PCDH11X: variants seen among roughly 807,000 people sequenced by gnomAD.
The protein encoded by PCDH11X is protocadherin 11 X-linked, also known as protocadherin-11 X-linked.
PCDH11X carries 18 observed loss-of-function variants against 53.3 expected under a neutral mutation model. That is an observed-to-expected ratio of 0.34 (90% CI 0.23 to 0.50). The LOEUF (loss-of-function observed/expected upper bound fraction) is 0.50. PCDH11X is among the 20% of genes least tolerant of loss of function. The pLI, the probability that PCDH11X is intolerant of heterozygous loss-of-function variation, is 0.98. For synonymous variants in PCDH11X, 279 were observed against 393.3 expected (o/e 0.71, Z 3.44); for missense variants, 570 against 1,032.4 (o/e 0.55, Z 6.14).
intron 8 of PCDH11X, among the ~76,000 whole-genome samples, chrX:92,375,771 C>A (rs2070739848): frequency 9.3e-6 from 1 of 108,098 alleles, no homozygotes; most frequent in Admixed American, 9.9e-5. Context: ...TTACAGGCAC[C>A]CGCCACCACG....
rs752386974 is a variant in PCDH11X, at chrX:92,116,979, G to C, written c.3034-84396G>C. Among the ~76,000 whole-genome samples the C allele has an allele frequency of 4.3e-3, 467 of 108,897 alleles. 2 individuals carry two copies. The highest frequency in any genetic ancestry group is 5.6e-3 in the Non-Finnish European group (297 of 52,778). The allele number at this position is 108,897 out of a possible 115,157, so 94.6% of individuals were successfully genotyped here. ...ACCATCCTGAGGATTAGGAAACCTT[G>C]TTAGGAATTAGTTGTGTGTTTTTGG... On this transcript the variant is annotated intron_variant, in intron 6 of 10. Coordinates refer to ENST00000682573, the MANE Select transcript of PCDH11X (RefSeq NM_032968.5).
rs779390364 is a variant in PCDH11X, at chrX:92,171,750, G to A, written c.3034-29625G>A. ...GCTGAGATTACAGGCATGAGTCACC[G>A]TGCCCGGCCCAGTTTGAATTTGTGT... On this transcript the variant is annotated intron_variant, in intron 6 of 10. Coordinates refer to ENST00000682573, the MANE Select transcript of PCDH11X (RefSeq NM_032968.5). Among the ~76,000 whole-genome samples, 8 of 110,989 alleles carry A rather than the reference G, an allele frequency of 7.2e-5. No individual in the cohort carries two copies. In the East Asian group the frequency reaches 8.6e-4, roughly 12 times the overall value.
chrX:92,287,004 C>A (rs2068388922), intron 8 of PCDH11X, among the ~76,000 whole-genome samples: 1 of 107,529 alleles, frequency 9.3e-6, no homozygotes, highest in South Asian at 4.2e-4. Context: ...TGGTGCCATG[C>A]AAAGTTTATA....
chrX:92,121,438 G>A (rs2064762439), intron 6 of PCDH11X, among the ~76,000 whole-genome samples: 1 of 111,885 alleles, frequency 8.9e-6, no homozygotes, highest in Admixed American at 9.5e-5. Context: ...TTACAGGCGT[G>A]AGCCACCATG....
intron 10 of PCDH11X, among the ~76,000 whole-genome samples, chrX:92,592,576 A>C (rs780113095): frequency 9.2e-6 from 1 of 108,403 alleles, no homozygotes; most frequent in East Asian, 2.9e-4. Flanking sequence ...CTAAAAATAC[A>C]AAAAATTAGC....
chrX:92,249,318 T>C (rs2067413947), intron 7 of PCDH11X, among the ~76,000 whole-genome samples: 1 of 111,824 alleles, frequency 8.9e-6, no homozygotes, highest in Admixed American at 9.6e-5. Context: ...ATAGACACAA[T>C]ATACATTCTC....
intron 6 of PCDH11X, among the ~76,000 whole-genome samples, chrX:92,177,044 C>T (rs1376545071): frequency 1.9e-5 from 2 of 105,856 alleles, no homozygotes; most frequent in Non-Finnish European, 1.9e-5. Flanking sequence ...GGGGCAATCT[C>T]GGCTCACTGC....
intron 10 of PCDH11X, among the ~76,000 whole-genome samples, chrX:92,536,589 C>A (rs1010080545): frequency 9.3e-6 from 1 of 108,005 alleles, no homozygotes; most frequent in African/African-American, 3.4e-5. Flanking sequence ...CAACAGTGTA[C>A]GAGGTTTCCC....
At chrX:91,824,986 C>T (rs1176918060) in intron 4 of PCDH11X, among the ~76,000 whole-genome samples, 7 of 110,053 alleles carry the variant, frequency 6.4e-5, no homozygotes, top group Admixed American at 2.9e-4. Context: ...TTAGGCTGCT[C>T]GGGGGTCAGG....
At chrX:92,052,038 G>T (rs1343111108) in intron 6 of PCDH11X, among the ~76,000 whole-genome samples, 1 of 109,530 alleles carries the variant, frequency 9.1e-6, no homozygotes, top group East Asian at 2.9e-4. Flanking sequence ...TAACAAAAAG[G>T]TAAAACTCTG....
rs752617822 is a variant in PCDH11X at position 91,879,269 on chromosome X, G to T, written c.3029G>T (p.Arg1010Ile). Residue 1010 changes from arginine to isoleucine, a missense_variant, in exon 6 of 11, where the codon AGA (arginine) becomes ATA (isoleucine). This residue lies in a region of PCDH11X where 234 missense variants were observed against 296.1 expected (regional missense o/e 0.79). Transcript: ENST00000682573. The part of the protein sequence containing the change: ...TFEVPVSVHT[R>I]PPMKEVVRSC... ...GAGGTACCTGTGTCCGTACACACCA[G>T]ACCGGTAGGTATCCAAGTTTCTAAC... is the stretch of plus-strand genomic sequence containing the variant. 2.5e-5 allele frequency: 30 copies of T among 1,211,417 alleles called. No individual in the cohort carries two copies. Among genetic ancestry groups the T allele is most frequent in the Non-Finnish European group, 3.2e-5 (29 of 895,412 alleles).
intron 6 of PCDH11X, among the ~76,000 whole-genome samples, chrX:91,984,573 T>C (rs2147933102): frequency 9.1e-6 from 1 of 109,978 alleles, no homozygotes; most frequent in African/African-American, 3.3e-5. Context: ...TAGACAAGTT[T>C]TGAGTTTACC....
At chrX:92,207,437 G>A (rs2066495161) in intron 7 of PCDH11X, among the ~76,000 whole-genome samples, 1 of 111,347 alleles carries the variant, frequency 9.0e-6, no homozygotes, top group Non-Finnish European at 1.9e-5. Context: ...ACTGAATGAT[G>A]TTCTGTAAAA....
intron 7 of PCDH11X, among the ~76,000 whole-genome samples, chrX:92,220,454 A>T (rs1465350738): frequency 3.7e-5 from 4 of 107,293 alleles, no homozygotes; most frequent in Non-Finnish European, 7.7e-5. Flanking sequence ...AAAAATGCTC[A>T]CCATCACTGG....
intron 5 of PCDH11X, among the ~76,000 whole-genome samples, chrX:91,855,852 T>A (rs1300713463): frequency 8.9e-6 from 1 of 112,015 alleles, no homozygotes; most frequent in African/African-American, 3.2e-5. Context: ...TGATTTTGGA[T>A]CCTGCATCTT....
intron 8 of PCDH11X, among the ~76,000 whole-genome samples, chrX:92,300,882 C>T (rs1453342695): frequency 8.9e-6 from 1 of 111,873 alleles, no homozygotes; most frequent in Non-Finnish European, 1.9e-5. Flanking sequence ...ATTTCTGGTA[C>T]GTTTTGGTGC....
At chrX:92,259,681 C>A (rs1034378158) in intron 7 of PCDH11X, among the ~76,000 whole-genome samples, 3 of 111,210 alleles carry the variant, frequency 2.7e-5, no homozygotes, top group Non-Finnish European at 5.7e-5. Flanking sequence ...TTTTATCTGT[C>A]ACAGCTGGTA....
At chrX:92,331,333 C>CTTCTT (rs1300857539) in intron 8 of PCDH11X, among the ~76,000 whole-genome samples, 35 of 84,758 alleles carry the variant, frequency 4.1e-4, no homozygotes, top group South Asian at 6.9e-4. Flanking sequence ...TCTTCTTCTT[C>CTTCTT]CTTCCTTCCT....
At chrX:92,538,457 C>A (rs994400826) in intron 10 of PCDH11X, among the ~76,000 whole-genome samples, 1 of 110,596 alleles carries the variant, frequency 9.0e-6, no homozygotes, top group Non-Finnish European at 1.9e-5. Flanking sequence ...TCTTTTCTTT[C>A]TTTTACCCTT....
Sources: gnomAD v4.1 joint callset for allele counts (sites outside exome capture counted in the v4.1 genomes callset) on GRCh38, gnomAD v4.1.1 for gene constraint, gnomAD v4.1.1 regional missense constraint, MANE v1.5 for transcripts, NCBI Gene and HGNC (gene_info 2026-07-23, HGNC 2026-07-21) for gene names.